Variants in SH3BP5L observed in about 807,000 individuals in gnomAD.
The protein encoded by SH3BP5L is SH3 binding domain protein 5 like, also known as SH3 domain-binding protein 5-like.
SH3BP5L carries 16 observed loss-of-function variants against 40.9 expected under a neutral mutation model. The observed-to-expected ratio is 0.39, with a 90% CI of 0.27 to 0.59. The LOEUF (loss-of-function observed/expected upper bound fraction) is 0.59. SH3BP5L is among the 20% of genes least tolerant of loss of function. The pLI is 0.53. For missense variants in SH3BP5L, 471 were observed against 544.6 expected, an observed-to-expected ratio of 0.86 and a Z score of 1.35; for synonymous variants, 229 against 226.7, an observed-to-expected ratio of 1.01 and a Z score of -0.09.
At chr1:248,814,353 A>C in intron 5 of SH3BP5L, 96 bp downstream of exon 5, 1 of 1,351,276 alleles carries the variant, frequency 7.4e-7, no homozygotes, top group Non-Finnish European at 1.0e-6. Flanking sequence ...AAAGAAGGCT[A>C]GAATAGAGGG....
At chr1:248,818,117 G>A (rs534547411) in intron 2 of SH3BP5L, among the ~76,000 whole-genome samples, 27 of 152,282 alleles carry the variant, frequency 1.8e-4, no homozygotes, top group Non-Finnish European at 3.2e-4. Flanking sequence ...GGAGGCAGAG[G>A]TGGGCAGATC....
rs745424918 is a variant in SH3BP5L, at chr1:248,816,818, T to C, written c.246+4A>G. The C allele has an allele frequency of 1.1e-5, 17 of 1,614,034 alleles. No individual in the cohort carries two copies. The highest frequency in any genetic ancestry group is 1.4e-5 in the Non-Finnish European group (16 of 1,179,964). On this transcript the variant is annotated splice_donor_region_variant and intron_variant, in intron 3 of 6. Transcript: ENST00000366472. ...CCCAAGCACATAAGGAAAAGGACAC[T>C]CACATCCAGCTGTAGTTCCACCTGG...
At chr1:248,816,983 GC>G (rs1664125556) in intron 2 of SH3BP5L, 99 bp from the exon 3 acceptor site, 1 of 1,597,072 alleles carries the variant, frequency 6.3e-7, no homozygotes. Flanking sequence ...AGCCCCACTT[GC>G]CCAGGGAAAT....
chr1:248,816,348 A>C (rs1339222994), intron 4 of SH3BP5L, 186 bp downstream of exon 4: 1 of 622,936 alleles, frequency 1.6e-6, no homozygotes, highest in East Asian at 2.8e-5. Flanking sequence ...TTTATAGACC[A>C]TAAGCCCAGA....
At position 248,824,332 on chromosome 1, in the gene SH3BP5L, TCTCA is replaced by T. The variant is rs201710883; in HGVS notation, c.183+417_183+420del. On this transcript the variant is annotated intron_variant, in intron 2 of 6. Transcript: ENST00000366472. ...GAAGGTGAGAAAGGGGAAAAGATTC[TCTCA>T]CTCAGCCTCAAAACTGTCCCCCAGT... Among the ~76,000 whole-genome samples, 1,057 of 152,294 alleles carry T rather than the reference TCTCA, an allele frequency of 6.9e-3. 10 individuals are homozygous for T. Among genetic ancestry groups the T allele is most frequent in the African/African-American group, 0.025 (1,022 of 41,562 alleles).
chr1:248,811,829 G>A lies in SH3BP5L; in HGVS notation c.*71C>T, dbSNP rs1663936157. On this transcript the variant is annotated 3_prime_UTR_variant, in exon 7 of 7. Transcript: ENST00000366472. ...CGGGAAGACGAGGCCCCAGAGGAGA[G>A]GGCGTGAGAAGACTGTGGGCCCCAA... The A allele has an allele frequency of 1.8e-6, 2 of 1,135,746 alleles. No individual in the cohort carries two copies. The highest frequency in any genetic ancestry group is 2.4e-6 in the Non-Finnish European group (2 of 819,116). The allele number at this position is 1,135,746 out of a possible 1,614,324, so 70.4% of individuals were successfully genotyped here. A position where few individuals can be genotyped will look rare whatever the true frequency, so the allele number is the denominator to read the frequency against.
Position 248,813,172 on chromosome 1 carries a change from A to AG in SH3BP5L, c.538-11dup, listed in dbSNP as rs572905746. On this transcript the variant is annotated splice_polypyrimidine_tract_variant and intron_variant, in intron 5 of 6. Coordinates refer to ENST00000366472, the MANE Select transcript of SH3BP5L (RefSeq NM_030645.3). ...CCTCCGCCTCATTCACCTGGCCCAGAGGACACATCACTGAGCCAGGACCCA... is the reference window on the plus strand; with the variant it reads ...CCTCCGCCTCATTCACCTGGCCCAGAGGGACACATCACTGAGCCAGGACCCA... The AG allele has an allele frequency of 2.9e-5, 45 of 1,551,500 alleles. No individual in the cohort carries two copies. The African/African-American group carries it at 5.8e-4, about 20-fold the overall frequency.
In SH3BP5L at chr1:248,811,764, AGCTGGCCTCT is replaced by A; in HGVS notation, c.*126_*135del. ...GGGCAGGCACAGAGGACTCGAACACAGCTGGCCTCTCCCAGGGAAGCACTGGAGAAGGGGA... is the reference window on the plus strand; with the variant it reads ...GGGCAGGCACAGAGGACTCGAACACACCCAGGGAAGCACTGGAGAAGGGGA... On this transcript the variant is annotated 3_prime_UTR_variant, in exon 7 of 7. Transcript: ENST00000366472. 1.5e-6 allele frequency: 1 copy of A among 672,814 alleles called. No homozygotes were observed. Among genetic ancestry groups the A allele is most frequent in the Non-Finnish European group, 2.5e-6 (1 of 405,998 alleles). The allele number at this position is 672,814 out of a possible 1,614,324, so 41.7% of individuals were successfully genotyped here. A position where few individuals can be genotyped will look rare whatever the true frequency, so the allele number is the denominator to read the frequency against.
rs1039310044 is a variant in SH3BP5L at position 248,812,880 on chromosome 1, G to C, written c.711+109C>G. ...CCACCCTTCCCCACCGCTAGCCGGAGGCCTCACCCTGGCCACCTCACCAAG... is the reference window on the plus strand; with the variant it reads ...CCACCCTTCCCCACCGCTAGCCGGACGCCTCACCCTGGCCACCTCACCAAG... On this transcript the variant is annotated intron_variant, in intron 6 of 6. Transcript: ENST00000366472. This position sits in a 1 kb window ranked among gnomAD's most constrained non-coding sequence, Gnocchi z 6.1. The C allele has an allele frequency of 6.1e-6, 6 of 987,974 alleles. No homozygotes were observed. Among genetic ancestry groups the C allele is most frequent in the Non-Finnish European group, 8.9e-6 (6 of 672,210 alleles). The allele number at this position is 987,974 out of a possible 1,614,324, so 61.2% of individuals were successfully genotyped here. A position where few individuals can be genotyped will look rare whatever the true frequency, so the allele number is the denominator to read the frequency against.
chr1:248,824,114 A>G (rs1398331504), intron 2 of SH3BP5L, among the ~76,000 whole-genome samples: 1 of 152,156 alleles, frequency 6.6e-6, no homozygotes. Context: ...GAGACCCACT[A>G]TCCTGAGGGC....
intron 2 of SH3BP5L, 96 bp from the exon 3 acceptor site, chr1:248,816,980 C>G (rs1400411402): frequency 6.3e-7 from 1 of 1,599,588 alleles, no homozygotes; most frequent in Admixed American, 1.7e-5. Flanking sequence ...GAGAGCCCCA[C>G]TTGCCCAGGG....
chr1:248,823,921 G>A (rs1290070727), intron 2 of SH3BP5L, among the ~76,000 whole-genome samples: 1 of 152,180 alleles, frequency 6.6e-6, no homozygotes. Context: ...GCTTCCTCAG[G>A]AAGTCATTCT....
In SH3BP5L at chr1:248,813,118, G is replaced by A. The variant is rs772064009; in HGVS notation, c.582C>T (p.His194=). 9 of 1,609,830 alleles carry A rather than the reference G, an allele frequency of 5.6e-6. No individual in the cohort carries two copies. The highest frequency in any genetic ancestry group is 1.7e-4 in the Middle Eastern group (1 of 5,752). Residue 194 remains histidine, a synonymous_variant, in exon 6 of 7, where the codon CAC becomes CAT. Coordinates refer to ENST00000366472, the MANE Select transcript of SH3BP5L (RefSeq NM_030645.3). Reference sequence around the variant, plus strand: ...GTTGGCACAGCCGAGTCACTCGCTGGTGCTCCCGCTCACCTCGAAGCCGCT... The same window carrying A: ...GTTGGCACAGCCGAGTCACTCGCTGATGCTCCCGCTCACCTCGAAGCCGCT... ...EEERLRGERE[H]QRVTRLCQQA...
At chr1:248,822,235 A>G (rs1418222538) in intron 2 of SH3BP5L, among the ~76,000 whole-genome samples, 6 of 152,200 alleles carry the variant, frequency 3.9e-5, no homozygotes, top group African/African-American at 1.4e-4. Flanking sequence ...GGACCTCGAA[A>G]GACAAACACC....
intron 2 of SH3BP5L, among the ~76,000 whole-genome samples, chr1:248,820,225 C>T (rs373086232): frequency 2.0e-5 from 3 of 152,168 alleles, no homozygotes; most frequent in Non-Finnish European, 4.4e-5. Flanking sequence ...TCTGGAAGAA[C>T]AGGCAGCCAA....
In SH3BP5L at chr1:248,825,170, C is replaced by T. The variant is rs942585360; in HGVS notation, c.-235G>A. ...CTGTGCAAAAGTTCTTCCCTTCCCGCCACAGGGAGTCCACTGTGACAAACC... is the reference window on the plus strand; with the variant it reads ...CTGTGCAAAAGTTCTTCCCTTCCCGTCACAGGGAGTCCACTGTGACAAACC... On this transcript the variant is annotated 5_prime_UTR_variant, in exon 2 of 7. Coordinates refer to ENST00000366472, the MANE Select transcript of SH3BP5L (RefSeq NM_030645.3). The T allele has an allele frequency of 1.0e-5, 13 of 1,293,452 alleles. No individual in the cohort carries two copies. The African/African-American group carries it at 2.0e-4, about 20-fold the overall frequency. The allele number at this position is 1,293,452 out of a possible 1,614,324, so 80.1% of individuals were successfully genotyped here.
At chr1:248,824,691 A>C in intron 2 of SH3BP5L, 62 bp downstream of exon 2, 1 of 1,581,482 alleles carries the variant, frequency 6.3e-7, no homozygotes, top group East Asian at 2.2e-5. Context: ...TCATTCATCC[A>C]ACACTCTTCA....
chr1:248,825,388 G>A, intron 1 of SH3BP5L, 22 bp from the exon 2 acceptor site: 3 of 993,458 alleles, frequency 3.0e-6, no homozygotes, highest in Non-Finnish European at 2.4e-6. Context: ...CAAAGGCCAA[G>A]TATATGGTCA....
In SH3BP5L at chr1:248,812,874, GC is replaced by G; in HGVS notation, c.711+114del. 1 of 916,296 alleles carries G rather than the reference GC, an allele frequency of 1.1e-6. No individual in the cohort carries two copies. The highest frequency in any genetic ancestry group is 1.6e-6 in the Non-Finnish European group (1 of 613,092). The allele number at this position is 916,296 out of a possible 1,614,324, so 56.8% of individuals were successfully genotyped here. ...GTGCCACCACCCTTCCCCACCGCTAGCCGGAGGCCTCACCCTGGCCACCTCA... is the reference window on the plus strand; with the variant it reads ...GTGCCACCACCCTTCCCCACCGCTAGCGGAGGCCTCACCCTGGCCACCTCA... On this transcript the variant is annotated intron_variant, in intron 6 of 6. Transcript: ENST00000366472. This position sits in a 1 kb window ranked among gnomAD's most constrained non-coding sequence, Gnocchi z 6.1.
Sources: allele counts gnomAD v4.1 joint callset (sites outside exome capture counted in the v4.1 genomes callset), GRCh38; gene constraint gnomAD v4.1.1; non-coding constraint Gnocchi (gnomAD v3.1); transcripts MANE v1.5; gene names NCBI Gene and HGNC (gene_info 2026-07-23, HGNC 2026-07-21).